TRIM15: variants seen among roughly 807,000 people sequenced by gnomAD.
TRIM15 encodes tripartite motif containing 15, also known as E3 ubiquitin-protein ligase TRIM15.
In TRIM15, 35 loss-of-function variants were observed where a neutral mutation model predicts 35.8. That is an observed-to-expected ratio of 0.98 (90% CI 0.75 to 1.30). The LOEUF is 1.30. TRIM15 is among the 50% of genes most tolerant of loss of function. The pLI, the probability that TRIM15 is intolerant of heterozygous loss-of-function variation, is 0.00. For missense variants in TRIM15, 590 were observed against 593.5 expected (o/e 0.99, Z 0.06); for synonymous variants, 252 against 249.8 (o/e 1.01, Z -0.08).
rs751176602 is a variant in TRIM15 at position 30,163,758 on chromosome 6, A to G, written c.74A>G (p.Asp25Gly). The change falls in exon 1 of 7, where the codon GAT becomes GGT. Residue 25 changes from aspartate to glycine, a missense_variant. Asp to Gly is a moderately conservative substitution (Grantham distance 94). Coordinates refer to ENST00000376694, the MANE Select transcript of TRIM15 (RefSeq NM_033229.3). ...ACTLCAGPLE[D>G]AVTIPCGHTF... ...ACCCTCTGTGCGGGGCCGCTGGAGG[A>G]TGCGGTGACCATTCCCTGTGGACAC... 2.5e-6 allele frequency: 4 copies of G among 1,612,944 alleles called. No homozygotes were observed. The highest frequency in any genetic ancestry group is 3.4e-6 in the Non-Finnish European group (4 of 1,180,010).
chr6:30,165,919 T>C (rs1296728414), intron 1 of TRIM15, among the ~76,000 whole-genome samples: 1 of 152,262 alleles, frequency 6.6e-6, no homozygotes, highest in African/African-American at 2.4e-5. Flanking sequence ...AAGTGTCTGT[T>C]CATATCCTTC....
chr6:30,169,742 A>G (rs932519917), intron 4 of TRIM15: 3 of 357,222 alleles, frequency 8.4e-6, no homozygotes, highest in Non-Finnish European at 1.6e-5. Context: ...GACAGCCACC[A>G]GGAGCCAGTG....
intron 4 of TRIM15, 75 bp downstream of exon 4, chr6:30,169,338 T>C: frequency 6.4e-7 from 1 of 1,569,460 alleles, no homozygotes; most frequent in South Asian, 1.1e-5. Context: ...GGGCACTTAC[T>C]GCCACCCACT....
rs1773663013 is a variant in TRIM15 at position 30,167,197 on chromosome 6, G to A, written c.403G>A (p.Glu135Lys). 1 of 1,612,964 alleles carries A rather than the reference G, an allele frequency of 6.2e-7. No homozygotes were observed. Among genetic ancestry groups the A allele is most frequent in the African/African-American group, 1.3e-5 (1 of 74,924 alleles). Residue 135 changes from glutamate to lysine, a missense_variant, in exon 2 of 7, where the codon GAA (glutamate) becomes AAA (lysine). Transcript: ENST00000376694. ...ACAGGATCGTCTCAGGAGTCGACTG[G>A]AAGCTCTGAGCACGGAGAGAGATGA... ...PYRDRLRSRL[E>K]ALSTERDEIE...
chr6:30,172,490 GT>G lies in TRIM15; in HGVS notation c.*146del. On this transcript the variant is annotated 3_prime_UTR_variant, in exon 7 of 7. Transcript: ENST00000376694. ...GGGACTTGAGTCTCGAACAGCGGTT[GT>G]TTTTACTTTATTTATCTTAGGCCCT... 1 of 1,290,506 alleles carries G rather than the reference GT, an allele frequency of 7.7e-7. No homozygotes were observed. Among genetic ancestry groups the G allele is most frequent in the Non-Finnish European group, 1.1e-6 (1 of 932,860 alleles). The allele number at this position is 1,290,506 out of a possible 1,614,324, so 79.9% of individuals were successfully genotyped here.
chr6:30,165,602 C>T (rs1773541730), intron 1 of TRIM15, among the ~76,000 whole-genome samples: 3 of 152,164 alleles, frequency 2.0e-5, no homozygotes, highest in African/African-American at 7.2e-5. Flanking sequence ...ATTTATAATC[C>T]TCTGGGTATA....
chr6:30,164,280 C>T (rs1773419414), intron 1 of TRIM15, among the ~76,000 whole-genome samples: 1 of 152,142 alleles, frequency 6.6e-6, no homozygotes. Context: ...CTCCAGCTCT[C>T]AGAGGACCCC....
chr6:30,164,030 G>C lies in TRIM15; in HGVS notation c.346G>C (p.Val116Leu). ...GGGTCCCACGCACCAGGCGCACACC[G>C]TGGGGTTCCTGGACGAGGCCATTCA... The part of the protein sequence containing the change: ...REGPTHQAHT[V>L]GFLDEAIQPY... The change falls in exon 1 of 7, where the codon GTG becomes CTG. Residue 116 changes from valine (V) to leucine (L), a missense_variant. Physicochemically the swap from Val to Leu is conservative, Grantham distance 32 (BLOSUM62 1). Coordinates refer to ENST00000376694, the MANE Select transcript of TRIM15 (RefSeq NM_033229.3). The C allele has an allele frequency of 6.2e-7, 1 of 1,612,918 alleles. No individual in the cohort carries two copies. The highest frequency in any genetic ancestry group is 8.5e-7 in the Non-Finnish European group (1 of 1,179,910).
At chr6:30,170,307 C>T (rs767970177) in intron 4 of TRIM15, 194 bp from the exon 5 acceptor site, 1 of 566,180 alleles carries the variant, frequency 1.8e-6, no homozygotes, top group South Asian at 2.3e-5. Context: ...TCCTTAGTTC[C>T]TCTTAGGTTT....
In TRIM15 at chr6:30,172,396, G is replaced by C. The variant is rs746634759; in HGVS notation, c.*47G>C. 51 of 1,555,260 alleles carry C rather than the reference G, an allele frequency of 3.3e-5. No homozygotes were observed. The highest frequency in any genetic ancestry group is 2.0e-4 in the Middle Eastern group (1 of 5,088). The stretch of plus-strand genomic sequence containing the variant: ...CGAAGCGGAGACGGCGGCTCTCCGG[G>C]ATCCAGCTCCGCCCCTGGCCAGTGT... On this transcript the variant is annotated 3_prime_UTR_variant, in exon 7 of 7. Coordinates refer to ENST00000376694, the MANE Select transcript of TRIM15 (RefSeq NM_033229.3).
chr6:30,170,946 G>T, intron 5 of TRIM15, 30 bp from the exon 6 acceptor site: 1 of 1,607,218 alleles, frequency 6.2e-7, no homozygotes, highest in Middle Eastern at 1.7e-4. Context: ...ATAAGTCACA[G>T]ATCTCTCTTT....
intron 1 of TRIM15, among the ~76,000 whole-genome samples, chr6:30,165,144 T>G (rs1286102837): frequency 2.0e-5 from 3 of 152,094 alleles, no homozygotes; most frequent in Non-Finnish European, 4.4e-5. Context: ...GGGATACATA[T>G]GCAGAACGTG....
Position 30,168,323 on chromosome 6 carries a change from T to C in TRIM15, c.501T>C (p.His167=). ...VLLTQIESKK[H]QVETAFERLQ... is the part of the protein sequence containing the mutation. The stretch of plus-strand genomic sequence containing the variant: ...AGACTCAGATCGAAAGCAAGAAGCA[T>C]CAGGTGGAAACAGCTTTTGAGAGGC... The change falls in exon 3 of 7, where the codon CAT becomes CAC. Residue 167 remains histidine (H), a synonymous_variant. Transcript: ENST00000376694. 1 of 1,612,888 alleles carries C rather than the reference T, an allele frequency of 6.2e-7. No individual in the cohort carries two copies. Among genetic ancestry groups the C allele is most frequent in the Non-Finnish European group, 8.5e-7 (1 of 1,179,934 alleles).
At chr6:30,169,028 A>G (rs1041696066) in intron 3 of TRIM15, among the ~76,000 whole-genome samples, 4 of 152,196 alleles carry the variant, frequency 2.6e-5, no homozygotes, top group African/African-American at 9.7e-5. Context: ...AGGCTGAAAC[A>G]GGGAAACCAG....
intron 1 of TRIM15, among the ~76,000 whole-genome samples, chr6:30,164,980 G>C (rs956602094): frequency 1.3e-5 from 2 of 152,050 alleles, no homozygotes; most frequent in African/African-American, 2.4e-5. Context: ...TTTTTCCTGA[G>C]TTGTCTTATT....
Position 30,164,737 on chromosome 6 carries a change from AC to A in TRIM15, c.381+675del, listed in dbSNP as rs1473966518. On this transcript the variant is annotated intron_variant, in intron 1 of 6. Coordinates refer to ENST00000376694, the MANE Select transcript of TRIM15 (RefSeq NM_033229.3). ...CATGGCATTTCCTGTCTCCATTCTC[AC>A]CCTTTCCAGTCACCTTCCAATCTGC... 2.6e-5 allele frequency among the ~76,000 whole-genome samples: 4 copies of A among 151,906 alleles called. No homozygotes were observed. In the East Asian group the frequency reaches 7.7e-4, roughly 29 times the overall value.
At chr6:30,169,689 C>T (rs1478958807) in intron 4 of TRIM15, 2 of 368,618 alleles carry the variant, frequency 5.4e-6, no homozygotes, top group Admixed American at 3.9e-5. Flanking sequence ...TTTTTACACA[C>T]ATCTCTGGTT....
chr6:30,170,249 C>T (rs2127460391), intron 4 of TRIM15: 1 of 470,124 alleles, frequency 2.1e-6, no homozygotes, highest in Non-Finnish European at 3.8e-6. Context: ...CCTACAGAAC[C>T]AAACATTCTC....
chr6:30,164,005 G>A lies in TRIM15; in HGVS notation c.321G>A (p.Glu107=). The change falls in exon 1 of 7, where the codon GAG becomes GAA. Residue 107 remains glutamate (E), a synonymous_variant. Transcript: ENST00000376694. ...DAEFLCVFCR[E]GPTHQAHTVG... ...AGTTCCTCTGTGTGTTCTGCAGGGA[G>A]GGTCCCACGCACCAGGCGCACACCG... 2 of 1,613,126 alleles carry A rather than the reference G, an allele frequency of 1.2e-6. No homozygotes were observed. Among genetic ancestry groups the A allele is most frequent in the South Asian group, 1.1e-5 (1 of 91,084 alleles).
Sources: allele counts gnomAD v4.1 joint callset (sites outside exome capture counted in the v4.1 genomes callset), GRCh38; gene constraint gnomAD v4.1.1; transcripts MANE v1.5; gene names NCBI Gene and HGNC (gene_info 2026-07-23, HGNC 2026-07-21).